LRRC63: variants seen among roughly 807,000 people sequenced by gnomAD.
The protein encoded by LRRC63 is leucine-rich repeat-containing protein 63.
A neutral mutation model predicts 49.5 loss-of-function variants in LRRC63; 40 were observed. The ratio of observed to expected loss-of-function variants is 0.81; its 90% CI spans 0.63 to 1.05. The LOEUF (loss-of-function observed/expected upper bound fraction) is 1.05. LRRC63 is among the 50% of genes least tolerant of loss of function. The pLI, the probability that LRRC63 is intolerant of heterozygous loss-of-function variation, is 0.00. For synonymous variants in LRRC63, 191 were observed against 221.1 expected (o/e 0.86, Z 1.21); for missense variants, 636 against 663.1 (o/e 0.96, Z 0.45).
intron 7 of LRRC63, among the ~76,000 whole-genome samples, 184 bp from the exon 8 acceptor site, chr13:46,261,725 A>G (rs1448807987): frequency 6.6e-6 from 1 of 152,198 alleles, no homozygotes; most frequent in Non-Finnish European, 1.5e-5. Flanking sequence ...GTCTTAATGG[A>G]TAGATGAGTA....
chr13:46,246,094 G>A (rs1489218529), intron 5 of LRRC63, among the ~76,000 whole-genome samples: 1 of 152,102 alleles, frequency 6.6e-6, no homozygotes, highest in Admixed American at 6.5e-5. Flanking sequence ...TTCAAAGTGT[G>A]TGGCACCTCC....
intron 5 of LRRC63, among the ~76,000 whole-genome samples, chr13:46,244,632 G>A (rs536458826): frequency 6.6e-6 from 1 of 152,214 alleles, no homozygotes; most frequent in East Asian, 1.9e-4. Context: ...AAATTAGCCA[G>A]GAATGGTGAC....
At chr13:46,254,122 G>A (rs1002012803) in intron 7 of LRRC63, among the ~76,000 whole-genome samples, 1 of 152,146 alleles carries the variant, frequency 6.6e-6, no homozygotes, top group Non-Finnish European at 1.5e-5. Flanking sequence ...GAGTAAAGGT[G>A]AGAACAGTTT....
chr13:46,245,906 A>G (rs1474322214), intron 5 of LRRC63, among the ~76,000 whole-genome samples: 1 of 152,210 alleles, frequency 6.6e-6, no homozygotes, highest in Non-Finnish European at 1.5e-5. Context: ...CACTTATCAC[A>G]TACAGAAATA....
intron 1 of LRRC63, among the ~76,000 whole-genome samples, chr13:46,212,605 C>G (rs1462895106): frequency 6.6e-6 from 1 of 152,136 alleles, no homozygotes; most frequent in African/African-American, 2.4e-5. Flanking sequence ...TGACCAAATT[C>G]TCTTTCTACA....
chr13:46,259,259 GT>G (rs200710233), intron 7 of LRRC63, among the ~76,000 whole-genome samples: 4 of 137,444 alleles, frequency 2.9e-5, no homozygotes, highest in East Asian at 4.2e-4. Context: ...AAATCCAAAT[GT>G]TTTTTTTTCC....
intron 9 of LRRC63, among the ~76,000 whole-genome samples, chr13:46,268,708 GT>G (rs925633604): frequency 4.6e-5 from 7 of 151,618 alleles, no homozygotes; most frequent in African/African-American, 1.7e-4. Flanking sequence ...ACCAAAGGAA[GT>G]TGCAAAGGAT....
At chr13:46,218,329 G>A (rs2046311702) in intron 2 of LRRC63, among the ~76,000 whole-genome samples, 1 of 152,082 alleles carries the variant, frequency 6.6e-6, no homozygotes, top group African/African-American at 2.4e-5. Flanking sequence ...TTGTTGCATT[G>A]GTCCCTTTAC....
At chr13:46,235,983 C>A (rs2046892757) in intron 5 of LRRC63, among the ~76,000 whole-genome samples, 1 of 151,836 alleles carries the variant, frequency 6.6e-6, no homozygotes, top group South Asian at 2.1e-4. Flanking sequence ...AAACACAAAA[C>A]AAAACAATTC....
chr13:46,217,504 C>T (rs2046285536), intron 2 of LRRC63, among the ~76,000 whole-genome samples: 1 of 152,040 alleles, frequency 6.6e-6, no homozygotes, highest in Non-Finnish European at 1.5e-5. Context: ...TCTCTCTTTT[C>T]TTCTTTATTA....
chr13:46,235,744 A>C (rs1236000767), intron 5 of LRRC63, among the ~76,000 whole-genome samples: 1 of 152,212 alleles, frequency 6.6e-6, no homozygotes, highest in Non-Finnish European at 1.5e-5. Flanking sequence ...ATAAAAAGCC[A>C]ATCATCATGC....
intron 2 of LRRC63, among the ~76,000 whole-genome samples, chr13:46,214,239 T>C (rs1419721058): frequency 1.3e-5 from 2 of 152,258 alleles, no homozygotes; most frequent in East Asian, 3.8e-4. Flanking sequence ...ACTTGATTTA[T>C]AATGTTAAAT....
At chr13:46,261,925 T>C (rs1440422221) in exon 8 of LRRC63, 26 of 1,097,032 alleles carry the variant, frequency 2.4e-5, no homozygotes, top group Non-Finnish European at 3.1e-5. Flanking sequence ...TTCCTTGTCT[T>C]ATCTTGAAGA....
chr13:46,275,353 G>C (rs878957822), intron 9 of LRRC63, among the ~76,000 whole-genome samples: 3 of 152,146 alleles, frequency 2.0e-5, no homozygotes, highest in Admixed American at 2.0e-4. Flanking sequence ...GAGATTGCTG[G>C]ATAGTATGAT....
At chr13:46,224,635 A>G (rs2138388057) in intron 2 of LRRC63, among the ~76,000 whole-genome samples, 2 of 152,168 alleles carry the variant, frequency 1.3e-5, no homozygotes, top group African/African-American at 4.8e-5. Context: ...ATTTCCTTGT[A>G]TTTTGATGTT....
intron 8 of LRRC63, among the ~76,000 whole-genome samples, chr13:46,265,371 C>G (rs778004636): frequency 2.4e-4 from 37 of 152,164 alleles, no homozygotes; most frequent in Non-Finnish European, 4.9e-4. Context: ...TATTTCTCAG[C>G]TTGGGCTACT....
intron 5 of LRRC63, among the ~76,000 whole-genome samples, chr13:46,245,691 T>G (rs1212680836): frequency 6.6e-6 from 1 of 151,924 alleles, no homozygotes; most frequent in Non-Finnish European, 1.5e-5. Context: ...TGAATAACAA[T>G]GAAGACAGTA....
chr13:46,243,822 C>T (rs2047135151), intron 5 of LRRC63, among the ~76,000 whole-genome samples: 1 of 152,176 alleles, frequency 6.6e-6, no homozygotes, highest in Non-Finnish European at 1.5e-5. Context: ...TTGCACATTT[C>T]TGCCTTAAGA....
intron 7 of LRRC63, among the ~76,000 whole-genome samples, chr13:46,260,173 A>G (rs1348238196): frequency 6.6e-6 from 1 of 152,244 alleles, no homozygotes; most frequent in African/African-American, 2.4e-5. Flanking sequence ...TATGTCATCC[A>G]TAGTGAAAGC....
Sources: gnomAD v4.1 joint callset for allele counts (sites outside exome capture counted in the v4.1 genomes callset) on GRCh38, gnomAD v4.1.1 for gene constraint, MANE v1.5 for transcripts, NCBI Gene and HGNC (gene_info 2026-07-23, HGNC 2026-07-21) for gene names.